CELF2: variants seen among roughly 807,000 people sequenced by gnomAD.
The protein encoded by CELF2 is CUGBP Elav-like family member 2, also known as CUG triplet repeat RNA-binding protein 2.
Under a neutral mutation model 62.6 loss-of-function variants are expected in CELF2, and 8 were observed. The observed-to-expected ratio is 0.13, with a 90% CI of 0.07 to 0.23. CELF2 has a LOEUF of 0.23. CELF2 is among the 10% of genes least tolerant of loss of function. The pLI, the probability that CELF2 is intolerant of heterozygous loss-of-function variation, is 1.00. For synonymous variants in CELF2, 258 were observed against 250.0 expected (o/e 1.03, Z -0.30); for missense variants, 333 against 671.0 (o/e 0.50, Z 5.56).
chr10:11,042,935 ACATT>A (rs1189378042), intron 1 of CELF2, among the ~76,000 whole-genome samples: 11 of 152,158 alleles, frequency 7.2e-5, no homozygotes, highest in Admixed American at 2.6e-4. Context: ...CAGTTGATGG[ACATT>A]TAAGATGGTT....
At chr10:10,649,199 G>A in the CELF2 span, among the ~76,000 whole-genome samples, 1 of 152,104 alleles carries the variant, frequency 6.6e-6, no homozygotes, top group African/African-American at 2.4e-5. Flanking sequence ...AGCCAAAAAT[G>A]GTATGGCTTT....
At chr10:10,879,765 T>G (rs1293208122) in intron 1 of CELF2, among the ~76,000 whole-genome samples, 1 of 152,208 alleles carries the variant, frequency 6.6e-6, no homozygotes, top group Non-Finnish European at 1.5e-5. Flanking sequence ...GACATCCTGT[T>G]CTTAATCCTT....
chr10:10,566,202 T>C, the CELF2 span, among the ~76,000 whole-genome samples: 1 of 151,936 alleles, frequency 6.6e-6, no homozygotes, highest in Admixed American at 6.6e-5. Flanking sequence ...AAAAGAAGGC[T>C]CCAGGGAAAA....
In CELF2 at chr10:11,314,525, C is replaced by A; in HGVS notation, c.1096+267C>A. On this transcript the variant is annotated intron_variant, in intron 10 of 12. Coordinates refer to ENST00000633077, the MANE Select transcript of CELF2 (RefSeq NM_001326342.2). The surrounding 1 kb of genome is among the most constrained non-coding windows in gnomAD (Gnocchi z 5.3). ...CCATGGGGTTCTGTGGCTGGCAGCT[C>A]TTTTCAGGTTTCCAGGAGTTTGGTT... 2 of 499,750 alleles carry A rather than the reference C, an allele frequency of 4.0e-6. No individual in the cohort carries two copies. The highest frequency in any genetic ancestry group is 3.7e-6 in the Non-Finnish European group (1 of 270,808). 31.0% of individuals were successfully genotyped at this position (499,750 alleles called of 1,614,324 possible).
chr10:10,605,883 A>AG, the CELF2 span, among the ~76,000 whole-genome samples: 1 of 152,220 alleles, frequency 6.6e-6, no homozygotes, highest in Admixed American at 6.5e-5. Context: ...GAACTGCGAT[A>AG]GGGCCTAGGA....
At chr10:10,713,687 T>C in the CELF2 span, among the ~76,000 whole-genome samples, 2 of 152,214 alleles carry the variant, frequency 1.3e-5, no homozygotes, top group Non-Finnish European at 2.9e-5. Flanking sequence ...CATATGCAAT[T>C]GAGTCAAGGA....
chr10:10,608,833 AC>A, the CELF2 span, among the ~76,000 whole-genome samples: 1 of 152,196 alleles, frequency 6.6e-6, no homozygotes, highest in South Asian at 2.1e-4. Flanking sequence ...CTTAATTAGA[AC>A]CACATATCTT....
chr10:10,844,520 C>T (rs887307738), intron 1 of CELF2, among the ~76,000 whole-genome samples: 5 of 152,202 alleles, frequency 3.3e-5, no homozygotes, highest in Admixed American at 2.6e-4. Flanking sequence ...CCAGGACGGG[C>T]TTGCTGTACT....
At position 11,321,765 on chromosome 10, in the gene CELF2, T is replaced by C. The variant is rs910135608; in HGVS notation, c.1294+379T>C. ...GTCTTATAGTTACCTTCTAATTTAATTTTTCATCGATCTCTTCAGATGAAG... is the reference window on the plus strand; with the variant it reads ...GTCTTATAGTTACCTTCTAATTTAACTTTTCATCGATCTCTTCAGATGAAG... On this transcript the variant is annotated intron_variant, in intron 11 of 12. Coordinates refer to ENST00000633077, the MANE Select transcript of CELF2 (RefSeq NM_001326342.2). This position sits in a 1 kb window ranked among gnomAD's most constrained non-coding sequence, Gnocchi z 6.2. Among the ~76,000 whole-genome samples, 1 of 152,206 alleles carries C rather than the reference T, an allele frequency of 6.6e-6. No homozygotes were observed. The highest frequency in any genetic ancestry group is 1.5e-5 in the Non-Finnish European group (1 of 68,046).
chr10:11,256,979 G>T (rs1331636677), intron 4 of CELF2, among the ~76,000 whole-genome samples: 1 of 151,930 alleles, frequency 6.6e-6, no homozygotes, highest in Non-Finnish European at 1.5e-5. Flanking sequence ...TGGAAGCTCG[G>T]GGCCATCCAG....
At chr10:11,095,823 A>G (rs75993733) in intron 1 of CELF2, among the ~76,000 whole-genome samples, 9,445 of 152,290 alleles carry the variant, frequency 0.062, 409 homozygotes, top group Middle Eastern at 0.1. Context: ...AACACTTAGA[A>G]TCGGGAAGAA....
At chr10:10,915,501 G>C (rs1310397086) in intron 1 of CELF2, among the ~76,000 whole-genome samples, 9 of 152,148 alleles carry the variant, frequency 5.9e-5, no homozygotes, top group Admixed American at 5.2e-4. Context: ...GAACTCCTGG[G>C]CTCAAGTGCT....
At chr10:10,959,217 G>T (rs2049220835) in intron 2 of CELF2, among the ~76,000 whole-genome samples, 1 of 152,166 alleles carries the variant, frequency 6.6e-6, no homozygotes, top group Non-Finnish European at 1.5e-5. Flanking sequence ...GGAGGCAGAG[G>T]TTGCAGTGAG....
At chr10:10,503,403 T>G in the CELF2 span, among the ~76,000 whole-genome samples, 5 of 151,996 alleles carry the variant, frequency 3.3e-5, no homozygotes, top group East Asian at 9.6e-4. Context: ...TTTGCAACCC[T>G]GTGCTTGATG....
chr10:10,924,776 A>G (rs890956621), intron 2 of CELF2, among the ~76,000 whole-genome samples: 1 of 136,256 alleles, frequency 7.3e-6, no homozygotes, highest in African/African-American at 2.8e-5. Context: ...ACATAATTCA[A>G]TCTAAGCAAT....
intron 2 of CELF2, among the ~76,000 whole-genome samples, chr10:11,197,841 G>A (rs989994321): frequency 2.6e-4 from 40 of 152,190 alleles, no homozygotes; most frequent in Admixed American, 1.1e-3. Flanking sequence ...CTCTTCTGTA[G>A]CGTTTTGATA....
intron 1 of CELF2, among the ~76,000 whole-genome samples, chr10:11,127,097 A>G (rs954411745): frequency 7.2e-5 from 11 of 151,912 alleles, no homozygotes; most frequent in Admixed American, 3.3e-4. Flanking sequence ...TGCCCTGTAC[A>G]TGTGTTCTCA....
intron 3 of CELF2, among the ~76,000 whole-genome samples, chr10:11,228,282 A>G (rs1351036578): frequency 9.2e-5 from 14 of 152,222 alleles, no homozygotes; most frequent in Non-Finnish European, 7.3e-5. Flanking sequence ...TTGAGTGTTT[A>G]CTATGTCCTC....
At chr10:10,721,861 C>A in the CELF2 span, among the ~76,000 whole-genome samples, 1 of 152,186 alleles carries the variant, frequency 6.6e-6, no homozygotes, top group Admixed American at 6.5e-5. Context: ...CAGAGCCTGG[C>A]ATGTGCAATG....
Sources: gnomAD v4.1 joint callset for allele counts (sites outside exome capture counted in the v4.1 genomes callset) on GRCh38, gnomAD v4.1.1 for gene constraint, Gnocchi (gnomAD v3.1) non-coding constraint, MANE v1.5 for transcripts, NCBI Gene and HGNC (gene_info 2026-07-23, HGNC 2026-07-21) for gene names.